Variants in MYO3B observed in about 807,000 individuals in gnomAD.
MYO3B encodes myosin-IIIb.
MYO3B carries 156 observed loss-of-function variants against 174.6 expected under a neutral mutation model. That is an observed-to-expected ratio of 0.89 (90% CI 0.78 to 1.02). MYO3B has a LOEUF of 1.02. MYO3B is among the 50% of genes least tolerant of loss of function. MYO3B has a pLI of 0.00. For missense variants in MYO3B, 1,632 were observed against 1,639.4 expected (o/e 1.00, Z 0.08); for synonymous variants, 563 against 569.1 (o/e 0.99, Z 0.15).
intron 30 of MYO3B, among the ~76,000 whole-genome samples, chr2:170,525,072 A>G (rs1235621621): frequency 6.6e-6 from 1 of 152,134 alleles, no homozygotes; most frequent in Non-Finnish European, 1.5e-5. Flanking sequence ...ATCACCACCC[A>G]CTGAGAAATA....
At chr2:170,444,122 A>G (rs2094823045) in intron 23 of MYO3B, 76 bp downstream of exon 23, 3 of 1,330,534 alleles carry the variant, frequency 2.3e-6, no homozygotes, top group African/African-American at 1.4e-5. Context: ...TAGAGTGGGC[A>G]GCATTAGTTC....
intron 8 of MYO3B, among the ~76,000 whole-genome samples, chr2:170,358,836 T>C (rs554353210): frequency 5.3e-5 from 8 of 152,324 alleles, no homozygotes; most frequent in Admixed American, 5.2e-4. Context: ...AAATTTGAGC[T>C]ACTAGGCAAA....
Position 170,217,362 on chromosome 2 carries a change from A to G in MYO3B, c.570A>G (p.Thr190=), listed in dbSNP as rs745497376. 67 of 1,614,022 alleles carry G rather than the reference A, an allele frequency of 4.2e-5. No individual in the cohort carries two copies. Among genetic ancestry groups the G allele is most frequent in the Middle Eastern group, 1.6e-4 (1 of 6,084 alleles). ...QLTSTRLRRN[T]SVGTPFWMAP... ...CCAGTACACGTCTGCGGAGAAACAC[A>G]TCTGTTGGCACCCCGTTCTGGATGG... The change falls in exon 6 of 35, where the codon ACA becomes ACG. Residue 190 remains threonine (T), a synonymous_variant. Transcript: ENST00000408978.
intron 32 of MYO3B, among the ~76,000 whole-genome samples, chr2:170,571,009 C>CA: frequency 6.6e-6 from 1 of 152,152 alleles, no homozygotes; most frequent in Non-Finnish European, 1.5e-5. Context: ...GGATTACCTC[C>CA]AAAAAACATA....
intron 1 of MYO3B, among the ~76,000 whole-genome samples, chr2:170,195,733 C>T (rs750808041): frequency 7.9e-5 from 12 of 152,268 alleles, no homozygotes; most frequent in South Asian, 4.1e-4. Context: ...GCCCCCAAGG[C>T]GCTCACCCCA....
chr2:170,561,364 A>G (rs1691700768), intron 32 of MYO3B, among the ~76,000 whole-genome samples: 1 of 152,220 alleles, frequency 6.6e-6, no homozygotes, highest in African/African-American at 2.4e-5. Context: ...AGTTATCTGT[A>G]CCCAGAGGAT....
At chr2:170,398,514 C>T (rs1045959996) in intron 16 of MYO3B, among the ~76,000 whole-genome samples, 5 of 152,084 alleles carry the variant, frequency 3.3e-5, no homozygotes, top group African/African-American at 1.2e-4. Context: ...GAGGAGGACC[C>T]AAAAGTTCGA....
chr2:170,280,825 A>G (rs2093502906), intron 7 of MYO3B, among the ~76,000 whole-genome samples: 1 of 152,114 alleles, frequency 6.6e-6, no homozygotes, highest in South Asian at 2.1e-4. Flanking sequence ...ATTCTGTTCC[A>G]TTGGTCTGTG....
chr2:170,470,333 C>T (rs573308802), intron 25 of MYO3B, among the ~76,000 whole-genome samples: 15 of 152,164 alleles, frequency 9.9e-5, no homozygotes, highest in African/African-American at 3.4e-4. Flanking sequence ...TTTGACATTT[C>T]GTGTAAATGG....
intron 32 of MYO3B, among the ~76,000 whole-genome samples, chr2:170,609,138 G>A (rs1390469629): frequency 1.3e-5 from 2 of 152,178 alleles, no homozygotes; most frequent in Admixed American, 1.3e-4. Context: ...AATCACCCAC[G>A]TGCTTGCTGA....
intron 32 of MYO3B, among the ~76,000 whole-genome samples, chr2:170,582,234 T>C (rs1185652015): frequency 6.6e-6 from 1 of 152,222 alleles, no homozygotes; most frequent in African/African-American, 2.4e-5. Context: ...AGCAAAGGGA[T>C]AGGAGCTTCT....
intron 32 of MYO3B, among the ~76,000 whole-genome samples, chr2:170,560,937 A>G (rs528423646): frequency 1.8e-4 from 28 of 152,352 alleles, no homozygotes; most frequent in Admixed American, 1.6e-3. Context: ...GTCAGATTAC[A>G]AAGTGTTCAT....
At chr2:170,598,639 C>T (rs1374471039) in intron 32 of MYO3B, among the ~76,000 whole-genome samples, 4 of 152,132 alleles carry the variant, frequency 2.6e-5, no homozygotes, top group African/African-American at 9.7e-5. Flanking sequence ...ATGTGGTCTA[C>T]CTGCTGGTGA....
chr2:170,448,071 C>T (rs1194563420), intron 23 of MYO3B, among the ~76,000 whole-genome samples: 2 of 152,166 alleles, frequency 1.3e-5, no homozygotes, highest in Non-Finnish European at 2.9e-5. Context: ...GTCTTGCAGC[C>T]TCCAGCTGCT....
intron 16 of MYO3B, among the ~76,000 whole-genome samples, chr2:170,395,991 A>G (rs1008992044): frequency 5.3e-5 from 8 of 152,228 alleles, no homozygotes; most frequent in Admixed American, 2.6e-4. Context: ...AATATCAGAC[A>G]TCCTGCAGTG....
chr2:170,386,374 A>G (rs927853372), intron 13 of MYO3B, 102 bp downstream of exon 13: 6 of 879,772 alleles, frequency 6.8e-6, no homozygotes, highest in Non-Finnish European at 1.1e-5. Flanking sequence ...ATTAAGGCTT[A>G]CATAAAGACA....
chr2:170,332,278 C>T (rs2105527772), intron 7 of MYO3B: 1 of 152,066 alleles, frequency 6.6e-6, no homozygotes, highest in African/African-American at 2.4e-5. Flanking sequence ...GATGCACCAG[C>T]TAAAAGGCAG....
intron 20 of MYO3B, 59 bp downstream of exon 20, chr2:170,404,459 CAATT>C: frequency 6.7e-7 from 1 of 1,496,946 alleles, no homozygotes; most frequent in Non-Finnish European, 9.0e-7. Context: ...CTTGTGTCAT[CAATT>C]GAGTGTACTT....
chr2:170,270,821 A>G (rs2093420268), intron 7 of MYO3B, among the ~76,000 whole-genome samples: 2 of 152,206 alleles, frequency 1.3e-5, no homozygotes, highest in Non-Finnish European at 2.9e-5. Flanking sequence ...TAGCCATTGC[A>G]TGAACTTAAA....
Sources: gnomAD v4.1 joint callset for allele counts (sites outside exome capture counted in the v4.1 genomes callset) on GRCh38, gnomAD v4.1.1 for gene constraint, MANE v1.5 for transcripts, NCBI Gene and HGNC (gene_info 2026-07-23, HGNC 2026-07-21) for gene names.